VBP1: variants seen among roughly 807,000 people sequenced by gnomAD.
VBP1 encodes the protein VHL binding protein 1, also known as prefoldin subunit 3.
A neutral mutation model predicts 15.5 loss-of-function variants in VBP1; 4 were observed. The ratio of observed to expected loss-of-function variants is 0.26; its 90% CI spans 0.13 to 0.59. The LOEUF is 0.59. VBP1 is among the 20% of genes least tolerant of loss of function. The probability of loss-of-function intolerance (pLI) is 0.90; values close to 1 mark genes in which losing one functional copy is unlikely to be tolerated. For synonymous variants in VBP1, 61 were observed against 52.1 expected (o/e 1.17, Z -0.74); for missense variants, 108 against 139.6 (o/e 0.77, Z 1.14).
chrX:155,200,200 C>T (rs1318410382), intron 1 of VBP1, among the ~76,000 whole-genome samples: 10 of 106,725 alleles, frequency 9.4e-5, no homozygotes, highest in African/African-American at 3.4e-4. Flanking sequence ...GGCAGATCAA[C>T]GAGACAGAAA....
intron 1 of VBP1, among the ~76,000 whole-genome samples, chrX:155,205,558 T>C (rs1557307972): frequency 8.9e-6 from 1 of 112,030 alleles, no homozygotes; most frequent in African/African-American, 3.2e-5. Context: ...TTCTTTCACC[T>C]GGGTCACTGC....
chrX:155,231,560 G>T (rs1309461924), intron 4 of VBP1, among the ~76,000 whole-genome samples: 6 of 112,369 alleles, frequency 5.3e-5, no homozygotes, highest in Admixed American at 1.9e-4. Flanking sequence ...ATTTTTGTTA[G>T]TTTTTCATCA....
chrX:155,238,066 C>A (rs782540981), intron 5 of VBP1, among the ~76,000 whole-genome samples: 1 of 111,768 alleles, frequency 8.9e-6, no homozygotes, highest in Admixed American at 9.5e-5. Context: ...GAGAAAAAAA[C>A]AGGATCCAGT....
At position 155,238,821 on chromosome X, in the gene VBP1, C is replaced by T; in HGVS notation, c.573C>T (p.Asp191=). 5.0e-6 allele frequency: 6 copies of T among 1,205,433 alleles called. No individual in the cohort carries two copies. Among genetic ancestry groups the T allele is most frequent in the South Asian group, 1.8e-5 (1 of 55,627 alleles). ...ATGTAAAAAGAAGAAACAAGGATGA[C>T]TCTACCAAGAACAAAGCATAATGCT... is the stretch of plus-strand genomic sequence containing the variant. ...NWDVKRRNKD[D]STKNKA is the part of the protein sequence containing the mutation. The change falls in exon 6 of 6, where the codon GAC becomes GAT. Residue 191 remains aspartate, a synonymous_variant. Coordinates refer to ENST00000286428, the MANE Select transcript of VBP1 (RefSeq NM_003372.7).
chrX:155,216,506 T>G lies in VBP1; in HGVS notation c.24T>G (p.Cys8Trp). 8.5e-7 allele frequency: 1 copy of G among 1,170,526 alleles called. No individual in the cohort carries two copies. The highest frequency in any genetic ancestry group is 3.2e-5 in the East Asian group (1 of 31,101). The change falls in exon 1 of 6, where the codon TGT (cysteine) becomes TGG (tryptophan). Residue 8 changes from cysteine (C) to tryptophan (W), a missense_variant. Coordinates refer to ENST00000286428, the MANE Select transcript of VBP1 (RefSeq NM_003372.7). MAAVKDS[C>W]GKGEMATGNG... Reference sequence around the variant, plus strand: ...AGATGGCGGCCGTTAAGGACAGTTGTGGCAAAGGAGAAATGGCCACAGGGA... The same window carrying G: ...AGATGGCGGCCGTTAAGGACAGTTGGGGCAAAGGAGAAATGGCCACAGGGA...
intron 1 of VBP1, among the ~76,000 whole-genome samples, chrX:155,197,297 T>C (rs781823781): frequency 3.6e-5 from 4 of 111,678 alleles, no homozygotes; most frequent in African/African-American, 1.3e-4. Context: ...CTCAGGAAAT[T>C]TGAGCTATTG....
intron 1 of VBP1, among the ~76,000 whole-genome samples, chrX:155,207,554 G>T (rs1406715896): frequency 1.8e-5 from 2 of 112,055 alleles, no homozygotes; most frequent in Non-Finnish European, 3.8e-5. Context: ...TACTGCAGAA[G>T]TGGCATCCCT....
At chrX:155,200,695 A>C (rs2074599555) in intron 1 of VBP1, among the ~76,000 whole-genome samples, 1 of 106,057 alleles carries the variant, frequency 9.4e-6, no homozygotes, top group Non-Finnish European at 1.9e-5. Context: ...TCACAATTAA[A>C]AGAACTAGAA....
intron 2 of VBP1, among the ~76,000 whole-genome samples, chrX:155,225,938 T>A (rs1284439357): frequency 8.9e-6 from 1 of 112,124 alleles, no homozygotes; most frequent in Non-Finnish European, 1.9e-5. Flanking sequence ...AACACATTTC[T>A]TGCCAGGTCA....
chrX:155,221,263 C>T (rs962613937), intron 2 of VBP1, among the ~76,000 whole-genome samples: 1 of 110,902 alleles, frequency 9.0e-6, no homozygotes, highest in African/African-American at 3.3e-5. Context: ...GCCCGGGAGG[C>T]GAAGGTTGTA....
At chrX:155,225,539 T>A (rs1188732445) in intron 2 of VBP1, among the ~76,000 whole-genome samples, 1 of 111,166 alleles carries the variant, frequency 9.0e-6, no homozygotes, top group African/African-American at 3.3e-5. Context: ...TAGGGAGGAG[T>A]GTATTGCTTG....
chrX:155,230,787 G>A (rs899551139), intron 4 of VBP1, among the ~76,000 whole-genome samples: 6 of 110,358 alleles, frequency 5.4e-5, no homozygotes, highest in African/African-American at 9.9e-5. Context: ...GGGCTCAAGC[G>A]ATTCTTGTGC....
chrX:155,209,332 A>T (rs1421637369), intron 2 of VBP1, among the ~76,000 whole-genome samples: 1 of 111,945 alleles, frequency 8.9e-6, no homozygotes, highest in Admixed American at 9.6e-5. Flanking sequence ...TTACCAGAGA[A>T]CTGATACTTA....
intron 1 of VBP1, among the ~76,000 whole-genome samples, chrX:155,200,916 G>C (rs2074600667): frequency 9.1e-6 from 1 of 110,112 alleles, no homozygotes; most frequent in African/African-American, 3.3e-5. Context: ...AATAAAAAAT[G>C]ATAAAGGGGA....
intron 2 of VBP1, among the ~76,000 whole-genome samples, chrX:155,223,713 A>G (rs1170992446): frequency 8.9e-6 from 1 of 112,529 alleles, no homozygotes; most frequent in Admixed American, 9.3e-5. Context: ...GCTGTTGGGT[A>G]CACCTCCCAG....
intron 2 of VBP1, among the ~76,000 whole-genome samples, chrX:155,210,338 T>G (rs1390558404): frequency 9.0e-6 from 1 of 111,632 alleles, no homozygotes; most frequent in Non-Finnish European, 1.9e-5. Context: ...CCCATACTCC[T>G]AGCCACTCGG....
chrX:155,235,116 ATGTGTGTG>A (rs112094871), intron 4 of VBP1, among the ~76,000 whole-genome samples: 1 of 97,411 alleles, frequency 1.0e-5, no homozygotes, highest in Non-Finnish European at 2.1e-5. Flanking sequence ...GTGTGTGTGT[ATGTGTGTG>A]TGTGTGTGTG....
intron 1 of VBP1, among the ~76,000 whole-genome samples, chrX:155,198,499 G>T (rs1256333425): frequency 9.0e-6 from 1 of 111,555 alleles, no homozygotes; most frequent in African/African-American, 3.2e-5. Context: ...AGGCAAACAG[G>T]GTCTGGAGTG....
intron 2 of VBP1, among the ~76,000 whole-genome samples, chrX:155,224,482 A>G (rs1163327427): frequency 8.9e-6 from 1 of 112,643 alleles, no homozygotes; most frequent in Non-Finnish European, 1.9e-5. Flanking sequence ...CGTGCCTGCA[A>G]TCCCAGGCAC....
Sources: allele counts gnomAD v4.1 joint callset (sites outside exome capture counted in the v4.1 genomes callset), GRCh38; gene constraint gnomAD v4.1.1; transcripts MANE v1.5; gene names NCBI Gene and HGNC (gene_info 2026-07-23, HGNC 2026-07-21).